The following CTNNA2 variants were observed in gnomAD, a reference collection of about 807,000 sequenced individuals.
CTNNA2 encodes the protein catenin alpha-2.
CTNNA2 carries 42 observed loss-of-function variants against 101.0 expected under a neutral mutation model. The ratio of observed to expected loss-of-function variants is 0.42; its 90% CI spans 0.32 to 0.54. The LOEUF is 0.54. Among genes scored for constraint, CTNNA2 ranks in the 20% least tolerant of loss-of-function variants. CTNNA2 has a pLI of 0.14. For synonymous variants in CTNNA2, 450 were observed against 456.4 expected (o/e 0.99, Z 0.18); for missense variants, 871 against 1,223.1 (o/e 0.71, Z 4.29).
rs1473032583 is a variant in CTNNA2, at chr2:80,616,988, A to G, written c.2431-2097A>G. ...ACAATAGGCAATTATAAGAAATGCC[A>G]ATAGACAATCTAAGTTCAGTTTGTT... On this transcript the variant is annotated intron_variant, in intron 17 of 18. Transcript: ENST00000402739. Among the ~76,000 whole-genome samples, 5 of 151,886 alleles carry G rather than the reference A, an allele frequency of 3.3e-5. No homozygotes were observed. In the East Asian group the frequency reaches 7.8e-4, roughly 24 times the overall value.
At chr2:79,189,287 G>T (rs142576730) in intron 1 of CTNNA2, among the ~76,000 whole-genome samples, 37 of 151,928 alleles carry the variant, frequency 2.4e-4, no homozygotes, top group Non-Finnish European at 4.6e-4. Flanking sequence ...TTTTTATTCT[G>T]AATCATTCGT....
chr2:79,312,860 T>C (rs941185452), intron 3 of CTNNA2: 1 of 152,222 alleles, frequency 6.6e-6, no homozygotes, highest in African/African-American at 2.4e-5. Context: ...ATCACTTTTA[T>C]TGTTTCATCT....
intron 9 of CTNNA2, among the ~76,000 whole-genome samples, chr2:80,469,590 A>G (rs76954760): frequency 0.029 from 4,350 of 152,318 alleles, 198 homozygotes; most frequent in African/African-American, 0.099. Context: ...AAGACTGACA[A>G]GCCACAAATA....
intron 3 of CTNNA2, among the ~76,000 whole-genome samples, chr2:79,809,902 GT>G (rs1432748515): frequency 6.6e-6 from 1 of 151,966 alleles, no homozygotes; most frequent in Admixed American, 6.6e-5. Flanking sequence ...TTCTTCTTGT[GT>G]TTTTAGAGCT....
chr2:80,303,295 A>G lies in CTNNA2; in HGVS notation c.1057-89916A>G. On this transcript the variant is annotated intron_variant, in intron 7 of 18. Transcript: ENST00000402739. This position sits in a 1 kb window ranked among gnomAD's most constrained non-coding sequence, Gnocchi z 7.7. ...AGTCCTGGAAGATGCGCACGGGCAC[A>G]AACTGGATGGCGTTGGCCCGCATAT... 1 of 1,613,678 alleles carries G rather than the reference A, an allele frequency of 6.2e-7. No homozygotes were observed. Among genetic ancestry groups the G allele is most frequent in the Non-Finnish European group, 8.5e-7 (1 of 1,180,022 alleles).
intron 2 of CTNNA2, among the ~76,000 whole-genome samples, chr2:79,209,361 T>G (rs553942013): frequency 4.6e-5 from 7 of 152,334 alleles, no homozygotes; most frequent in African/African-American, 1.7e-4. Context: ...GAGTTTTAAT[T>G]GACTGCTCTC....
At chr2:79,470,810 T>G (rs1428958941) in intron 4 of CTNNA2, among the ~76,000 whole-genome samples, 1 of 152,218 alleles carries the variant, frequency 6.6e-6, no homozygotes, top group African/African-American at 2.4e-5. Context: ...ATAACTAACT[T>G]TGGTGCATAC....
At chr2:79,605,595 G>C (rs1465252292) in intron 1 of CTNNA2, among the ~76,000 whole-genome samples, 2 of 151,906 alleles carry the variant, frequency 1.3e-5, no homozygotes, top group African/African-American at 2.4e-5. Flanking sequence ...TATGGAAACA[G>C]TATATTTCTC....
chr2:79,821,303 G>C (rs959608666), intron 3 of CTNNA2, among the ~76,000 whole-genome samples: 2 of 152,032 alleles, frequency 1.3e-5, no homozygotes, highest in Non-Finnish European at 2.9e-5. Flanking sequence ...AAAACTTCTA[G>C]GATCAAGTGA....
chr2:79,380,344 C>G (rs1388675948), intron 4 of CTNNA2, among the ~76,000 whole-genome samples: 1 of 151,500 alleles, frequency 6.6e-6, no homozygotes, highest in African/African-American at 2.4e-5. Context: ...CTGAAGGCAG[C>G]AGCATTACTC....
intron 7 of CTNNA2, among the ~76,000 whole-genome samples, chr2:80,068,209 C>T (rs1572987044): frequency 1.3e-5 from 2 of 152,158 alleles, no homozygotes; most frequent in Non-Finnish European, 2.9e-5. Context: ...AAAGAGCAAC[C>T]TCACAACCTC....
chr2:79,467,913 A>G (rs1299470502), intron 4 of CTNNA2, among the ~76,000 whole-genome samples: 1 of 152,184 alleles, frequency 6.6e-6, no homozygotes, highest in African/African-American at 2.4e-5. Context: ...GGTACCAGCC[A>G]CTGCAAAAAC....
At chr2:79,887,371 TTAGCTAATTA>T (rs1426888724) in intron 6 of CTNNA2, among the ~76,000 whole-genome samples, 3 of 152,202 alleles carry the variant, frequency 2.0e-5, no homozygotes, top group African/African-American at 7.2e-5. Flanking sequence ...CATGTAAGCT[TTAGCTAATTA>T]AAAAACCAAA....
At chr2:80,622,643 T>C (rs1671246550) in intron 18 of CTNNA2, among the ~76,000 whole-genome samples, 1 of 151,934 alleles carries the variant, frequency 6.6e-6, no homozygotes, top group African/African-American at 2.4e-5. Context: ...TTATTCACAC[T>C]GACGAAGAAC....
intron 2 of CTNNA2, among the ~76,000 whole-genome samples, chr2:79,308,756 A>G (rs1676301842): frequency 6.8e-6 from 1 of 148,130 alleles, no homozygotes; most frequent in Admixed American, 6.8e-5. Context: ...TGACATTTTC[A>G]AATCCACTAA....
intron 1 of CTNNA2, among the ~76,000 whole-genome samples, chr2:79,556,702 A>T (rs955796932): frequency 2.0e-5 from 3 of 152,022 alleles, no homozygotes; most frequent in Admixed American, 2.0e-4. Flanking sequence ...AGTGCCATTA[A>T]ATGGAATTTA....
chr2:80,216,123 A>G (rs888458111), intron 7 of CTNNA2, among the ~76,000 whole-genome samples: 3 of 152,200 alleles, frequency 2.0e-5, no homozygotes, highest in African/African-American at 7.2e-5. Flanking sequence ...GCGCAGTATT[A>G]GGGTGGGAGT....
chr2:79,246,268 C>G (rs1266989317), intron 2 of CTNNA2, among the ~76,000 whole-genome samples: 2 of 152,152 alleles, frequency 1.3e-5, no homozygotes, highest in African/African-American at 4.8e-5. Context: ...ACCTATAGTT[C>G]TATCTGGACA....
intron 7 of CTNNA2, among the ~76,000 whole-genome samples, chr2:80,009,170 A>G (rs1003908752): frequency 6.6e-6 from 1 of 152,170 alleles, no homozygotes; most frequent in African/African-American, 2.4e-5. Flanking sequence ...GTACTTTTAT[A>G]ACTGCATATC....
Sources: allele counts gnomAD v4.1 joint callset (sites outside exome capture counted in the v4.1 genomes callset), GRCh38; gene constraint gnomAD v4.1.1; non-coding constraint Gnocchi (gnomAD v3.1); transcripts MANE v1.5; gene names NCBI Gene and HGNC (gene_info 2026-07-23, HGNC 2026-07-21).